HPN: variants seen among roughly 807,000 people sequenced by gnomAD.
HPN encodes the protein hepsin, also known as serine protease hepsin.
In HPN, 13 loss-of-function variants were observed where a neutral mutation model predicts 55.9. The observed-to-expected ratio is 0.23, with a 90% CI of 0.15 to 0.37. The LOEUF (loss-of-function observed/expected upper bound fraction) is 0.37. Among genes scored for constraint, HPN ranks in the 10% least tolerant of loss-of-function variants. The pLI is 1.00. For missense variants in HPN, 451 were observed against 575.8 expected, an observed-to-expected ratio of 0.78 and a Z score of 2.22; for synonymous variants, 225 against 240.3, an observed-to-expected ratio of 0.94 and a Z score of 0.59.
At chr19:35,046,158 G>A (rs925453748) in intron 2 of HPN, among the ~76,000 whole-genome samples, 11 of 152,170 alleles carry the variant, frequency 7.2e-5, no homozygotes, top group South Asian at 2.1e-4. Flanking sequence ...GGGGTCAGCC[G>A]GCAGTAGTTG....
chr19:35,066,043 G>A lies in HPN; in HGVS notation c.1215+11G>A. 6.2e-7 allele frequency: 1 copy of A among 1,609,780 alleles called. No individual in the cohort carries two copies. The highest frequency in any genetic ancestry group is 8.5e-7 in the Non-Finnish European group (1 of 1,180,010). ...TTCCAGGCCATAAAGGTGAAAGTTG[G>A]GTCCAGATGGGAGCCAGGGTGGGGA... On this transcript the variant is annotated intron_variant, in intron 12 of 12. Coordinates refer to ENST00000672452, the MANE Select transcript of HPN (RefSeq NM_001384133.1).
intron 9 of HPN, among the ~76,000 whole-genome samples, chr19:35,062,460 T>G (rs375576791): frequency 3.3e-5 from 5 of 152,314 alleles, no homozygotes; most frequent in East Asian, 1.9e-4. Context: ...TTAGGAGTCA[T>G]TCCCTCTGCA....
chr19:35,042,110 TC>T, intron 1 of HPN: 1 of 1,113,724 alleles, frequency 9.0e-7, no homozygotes, highest in Non-Finnish European at 1.1e-6. Flanking sequence ...AGGCCCCTCC[TC>T]CCTCATACTA....
At chr19:35,051,365 T>C (rs1390926312) in intron 4 of HPN, among the ~76,000 whole-genome samples, 2 of 152,196 alleles carry the variant, frequency 1.3e-5, no homozygotes, top group East Asian at 3.9e-4. Flanking sequence ...CGTCTCGGCC[T>C]CCCAAAGTGC....
upstream of HPN, among the ~76,000 whole-genome samples, chr19:35,040,734 G>A (rs1336564436): frequency 6.6e-6 from 1 of 152,182 alleles, no homozygotes; most frequent in African/African-American, 2.4e-5. Flanking sequence ...GGAGAGGTGG[G>A]CGCTGGGGAG....
At chr19:35,066,134 G>A in intron 12 of HPN, 102 bp downstream of exon 12, 1 of 1,612,972 alleles carries the variant, frequency 6.2e-7, no homozygotes, top group Non-Finnish European at 8.5e-7. Flanking sequence ...CTCAGGCCTA[G>A]AAGAGGGCCC....
At chr19:35,042,559 C>T in intron 2 of HPN, 37 bp downstream of exon 2, 1 of 1,555,748 alleles carries the variant, frequency 6.4e-7, no homozygotes, top group Non-Finnish European at 8.8e-7. Context: ...TTTGGCTCTG[C>T]CTGGCGCCCC....
At chr19:35,064,901 A>G (rs912324000) in intron 9 of HPN, among the ~76,000 whole-genome samples, 5 of 151,984 alleles carry the variant, frequency 3.3e-5, no homozygotes. Context: ...GGCTCACTGC[A>G]ACCTCCACCT....
Position 35,041,971 on chromosome 19 carries a change from TC to T in HPN, c.-55+101del, listed in dbSNP as rs540496087. The T allele has an allele frequency of 9.0e-4, 1,079 of 1,202,920 alleles. 3 individuals carry two copies. The African/African-American group carries it at 9.0e-3, about 10-fold the overall frequency. 74.5% of individuals were successfully genotyped at this position (1,202,920 alleles called of 1,614,324 possible). ...AATGCCCACCTCCTAATAGAGGGGT[TC>T]CTGGGGACCTGAAGAGGGGGCACTA... On this transcript the variant is annotated intron_variant, in intron 1 of 12. Coordinates refer to ENST00000672452, the MANE Select transcript of HPN (RefSeq NM_001384133.1).
intron 4 of HPN, among the ~76,000 whole-genome samples, chr19:35,058,468 C>G (rs950988442): frequency 4.1e-5 from 6 of 147,844 alleles, no homozygotes; most frequent in African/African-American, 1.5e-4. Flanking sequence ...AGATAGAAAT[C>G]ACTCTGGAAG....
At chr19:35,062,315 A>G (rs1321433774) in intron 9 of HPN, among the ~76,000 whole-genome samples, 1 of 152,220 alleles carries the variant, frequency 6.6e-6, no homozygotes, top group Non-Finnish European at 1.5e-5. Context: ...GTGACTACAC[A>G]AAAAGCCAGT....
intron 2 of HPN, among the ~76,000 whole-genome samples, chr19:35,048,061 AAAG>A (rs777727017): frequency 0.079 from 4,853 of 61,244 alleles, 375 homozygotes; most frequent in African/African-American, 0.26. Flanking sequence ...AGAAAGAAAG[AAAG>A]AAAGAAAGAA....
At chr19:35,060,281 G>A (rs779328483) in intron 7 of HPN, 66 bp from the exon 8 acceptor site, 1 of 1,607,542 alleles carries the variant, frequency 6.2e-7, no homozygotes, top group South Asian at 1.1e-5. Flanking sequence ...GCAGGGCCAA[G>A]CCTGGGCTCT....
intron 4 of HPN, among the ~76,000 whole-genome samples, chr19:35,057,683 TAATAAC>T (rs1180647760): frequency 3.3e-5 from 5 of 152,236 alleles, no homozygotes; most frequent in Admixed American, 6.5e-5. Flanking sequence ...TGATTATAGT[TAATAAC>T]AATATATTAT....
chr19:35,044,385 A>G (rs62123960), intron 2 of HPN, among the ~76,000 whole-genome samples: 60,723 of 151,842 alleles, frequency 0.4, 12,425 homozygotes, highest in Middle Eastern at 0.56. Context: ...GTGACACAGC[A>G]CTGGTGTGCA....
intron 1 of HPN, 144 bp downstream of exon 1, chr19:35,042,016 C>G (rs1005999251): frequency 3.4e-6 from 4 of 1,170,570 alleles, no homozygotes; most frequent in Non-Finnish European, 3.2e-6. Flanking sequence ...CCCCAAGCAC[C>G]TAGGTGTTCT....
chr19:35,044,567 C>G (rs1257567184), intron 2 of HPN, among the ~76,000 whole-genome samples: 1 of 152,154 alleles, frequency 6.6e-6, no homozygotes, highest in Non-Finnish European at 1.5e-5. Flanking sequence ...CCCTGCTTCT[C>G]TTGTCTAACT....
chr19:35,053,243 C>T (rs1200965886), intron 4 of HPN, among the ~76,000 whole-genome samples: 1 of 152,070 alleles, frequency 6.6e-6, no homozygotes, highest in Non-Finnish European at 1.5e-5. Flanking sequence ...CCCCAACACA[C>T]ATCTATAAAG....
chr19:35,066,341 G>C lies in HPN; in HGVS notation c.*54G>C. 1.3e-6 allele frequency: 2 copies of C among 1,583,190 alleles called. No homozygotes were observed. The highest frequency in any genetic ancestry group is 2.3e-5 in the South Asian group (2 of 87,602). On this transcript the variant is annotated 3_prime_UTR_variant, in exon 13 of 13. Coordinates refer to ENST00000672452, the MANE Select transcript of HPN (RefSeq NM_001384133.1). ...GGGCCCGAGGTGATCCCGGTGGTGG[G>C]ATCCACGCTGGGCCTAGGATGGGAC...
Sources: allele counts gnomAD v4.1 joint callset (sites outside exome capture counted in the v4.1 genomes callset), GRCh38; gene constraint gnomAD v4.1.1; transcripts MANE v1.5; gene names NCBI Gene and HGNC (gene_info 2026-07-23, HGNC 2026-07-21).